PTPRD: variants seen among roughly 807,000 people sequenced by gnomAD.
The protein encoded by PTPRD is protein tyrosine phosphatase receptor type D.
In PTPRD, 34 loss-of-function variants were observed where a neutral mutation model predicts 214.5. The observed-to-expected ratio is 0.16, with a 90% confidence interval of 0.12 to 0.21. The LOEUF (loss-of-function observed/expected upper bound fraction) is 0.21. Ranked by LOEUF, PTPRD falls within the 10% of genes least tolerant of loss-of-function variation. The pLI, the probability that PTPRD is intolerant of heterozygous loss-of-function variation, is 1.00. For missense variants in PTPRD, 2,545 were observed against 2,398.7 expected (o/e 1.06, Z -1.27); for synonymous variants, 1,128 against 845.7 (o/e 1.33, Z -5.79).
chr9:10,139,567 G>A (rs1158189929), intron 3 of PTPRD, among the ~76,000 whole-genome samples: 3 of 151,784 alleles, frequency 2.0e-5, no homozygotes, highest in Non-Finnish European at 4.4e-5. Flanking sequence ...AACCTGAATG[G>A]CAAAAGGTAT....
chr9:10,393,444 G>A (rs771803660), intron 2 of PTPRD, among the ~76,000 whole-genome samples: 1 of 151,438 alleles, frequency 6.6e-6, no homozygotes, highest in East Asian at 2.0e-4. Context: ...TGTTACATTA[G>A]TTTCCCTTTG....
chr9:8,911,946 G>A (rs2098751160), intron 11 of PTPRD, among the ~76,000 whole-genome samples: 1 of 152,066 alleles, frequency 6.6e-6, no homozygotes, highest in Non-Finnish European at 1.5e-5. Context: ...CATTAAAACT[G>A]CAATGCGATA....
chr9:8,551,213 G>A (rs368891730), intron 14 of PTPRD, among the ~76,000 whole-genome samples: 1 of 152,064 alleles, frequency 6.6e-6, no homozygotes, highest in East Asian at 1.9e-4. Context: ...GTAGGCATTG[G>A]GCCCCATGAC....
chr9:10,032,264 C>G (rs1159583565), intron 4 of PTPRD, among the ~76,000 whole-genome samples: 3 of 152,058 alleles, frequency 2.0e-5, no homozygotes, highest in Non-Finnish European at 4.4e-5. Context: ...CATAGTGTAA[C>G]ATCTTGTAGC....
At chr9:9,204,779 G>T (rs1246103527) in intron 9 of PTPRD, among the ~76,000 whole-genome samples, 1 of 152,064 alleles carries the variant, frequency 6.6e-6, no homozygotes, top group Non-Finnish European at 1.5e-5. Flanking sequence ...TTGAAATTGT[G>T]CTAATATTAT....
At chr9:8,383,718 A>T in intron 37 of PTPRD, among the ~76,000 whole-genome samples, 1 of 152,196 alleles carries the variant, frequency 6.6e-6, no homozygotes. Flanking sequence ...AAGTGTCAAA[A>T]TTTCACTCCC....
chr9:9,927,825 G>A (rs2084888604), intron 5 of PTPRD, among the ~76,000 whole-genome samples: 2 of 151,952 alleles, frequency 1.3e-5, no homozygotes, highest in African/African-American at 2.4e-5. Flanking sequence ...TCTAGCCCTA[G>A]CTTATTTTCA....
intron 3 of PTPRD, among the ~76,000 whole-genome samples, chr9:10,096,069 C>T (rs1167591303): frequency 6.6e-6 from 1 of 151,564 alleles, no homozygotes; most frequent in East Asian, 2.0e-4. Flanking sequence ...AGTAGGCTTA[C>T]CGCATTAGAG....
chr9:10,042,136 TAAAC>T (rs2097306797), intron 3 of PTPRD, among the ~76,000 whole-genome samples: 1 of 152,004 alleles, frequency 6.6e-6, no homozygotes, highest in Non-Finnish European at 1.5e-5. Context: ...TCCAGAGATT[TAAAC>T]ACTGGCAAAT....
At position 9,209,099 on chromosome 9, in the gene PTPRD, C is replaced by T. The variant is rs183449172; in HGVS notation, c.-202-25736G>A. ...CTGGAATTACAGGCTTGAGCCACCG[C>T]GACCGGCTGACAATATAACTCCTGA... On this transcript the variant is annotated intron_variant, in intron 9 of 45. Transcript: ENST00000381196. 6.3e-3 allele frequency among the ~76,000 whole-genome samples: 960 copies of T among 152,162 alleles called. 16 individuals carry two copies. The highest frequency in any genetic ancestry group is 4.1e-3 in the Admixed American group (63 of 15,258).
intron 2 of PTPRD, among the ~76,000 whole-genome samples, chr9:10,461,133 C>T (rs555304017): frequency 6.6e-6 from 1 of 151,850 alleles, no homozygotes; most frequent in South Asian, 2.1e-4. Context: ...CTAACAAGGA[C>T]ATGAAAAAGT....
chr9:9,030,681 C>T (rs1183701033), intron 10 of PTPRD, among the ~76,000 whole-genome samples: 10 of 151,824 alleles, frequency 6.6e-5, no homozygotes, highest in African/African-American at 2.4e-4. Flanking sequence ...TTTTATTTCT[C>T]CACCAGTTTT....
In PTPRD at chr9:9,959,760, G is replaced by C. The variant is rs192077185; in HGVS notation, c.-471-21150C>G. On this transcript the variant is annotated intron_variant, in intron 4 of 45. Transcript: ENST00000381196. The stretch of plus-strand genomic sequence containing the variant: ...ACTGCTACATGAATGTATTGGAATG[G>C]AACTGAATAAATGGACAGCAGATAG... Among the ~76,000 whole-genome samples, 21 of 152,308 alleles carry C rather than the reference G, an allele frequency of 1.4e-4. No individual in the cohort carries two copies. The East Asian group carries it at 2.1e-3, about 15-fold the overall frequency.
At chr9:8,487,950 G>C (rs1308182265) in intron 27 of PTPRD, among the ~76,000 whole-genome samples, 1 of 152,156 alleles carries the variant, frequency 6.6e-6, no homozygotes, top group African/African-American at 2.4e-5. Context: ...AATTGCTTGA[G>C]CCAAAGAGTT....
chr9:10,050,559 C>CAAAAAAAAAAAAA lies in PTPRD; in HGVS notation c.-544-16782_-544-16770dup, dbSNP rs1164243746. ...TGGGCAATAAAGAGAGAGTCTGTCT[C>CAAAAAAAAAAAAA]AAAAAAAAAAAAAAAAAAAAAAAAA... On this transcript the variant is annotated intron_variant, in intron 3 of 45. Coordinates refer to ENST00000381196, the MANE Select transcript of PTPRD (RefSeq NM_002839.4). 1.7e-3 allele frequency among the ~76,000 whole-genome samples: 24 copies of CAAAAAAAAAAAAA among 13,998 alleles called. 1 individual carries two copies. Among genetic ancestry groups the CAAAAAAAAAAAAA allele is most frequent in the East Asian group, 5.4e-3 (2 of 370 alleles). 9.2% of individuals were successfully genotyped at this position (13,998 alleles called of 152,430 possible).
chr9:10,372,023 T>C (rs1231699870), intron 2 of PTPRD, among the ~76,000 whole-genome samples: 1 of 151,686 alleles, frequency 6.6e-6, no homozygotes, highest in Non-Finnish European at 1.5e-5. Flanking sequence ...CAGTGGGGAG[T>C]AGGGCACAGA....
chr9:10,090,751 C>A (rs2098419117), intron 3 of PTPRD, among the ~76,000 whole-genome samples: 2 of 145,356 alleles, frequency 1.4e-5, no homozygotes, highest in South Asian at 2.2e-4. Flanking sequence ...TACATGTTAA[C>A]TCAGAAATAG....
chr9:9,701,052 A>AG (rs1173311307), intron 7 of PTPRD, among the ~76,000 whole-genome samples: 1 of 152,104 alleles, frequency 6.6e-6, no homozygotes, highest in East Asian at 1.9e-4. Flanking sequence ...AAAAAAAAAA[A>AG]AAATTGAATA....
At chr9:9,413,089 T>C (rs1375296076) in intron 8 of PTPRD, among the ~76,000 whole-genome samples, 5 of 141,504 alleles carry the variant, frequency 3.5e-5, no homozygotes, top group South Asian at 2.2e-4. Flanking sequence ...TTATAAAATA[T>C]CTTGCAGCTT....
Sources: allele counts gnomAD v4.1 joint callset (sites outside exome capture counted in the v4.1 genomes callset), GRCh38; gene constraint gnomAD v4.1.1; transcripts MANE v1.5; gene names NCBI Gene and HGNC (gene_info 2026-07-23, HGNC 2026-07-21).